The following GRIP2 variants were observed in gnomAD, a reference collection of about 807,000 sequenced individuals.
The protein encoded by GRIP2 is glutamate receptor-interacting protein 2.
Under a neutral mutation model 108.3 loss-of-function variants are expected in GRIP2, and 58 were observed. The observed-to-expected ratio is 0.54, with a 90% CI of 0.43 to 0.67. The LOEUF (loss-of-function observed/expected upper bound fraction) is 0.67, where lower values mean the gene tolerates loss of function less well. GRIP2 is among the 30% of genes least tolerant of loss of function. The probability of loss-of-function intolerance (pLI) is 0.00; values close to 1 mark genes in which losing one functional copy is unlikely to be tolerated. For synonymous variants in GRIP2, 586 were observed against 598.2 expected, an observed-to-expected ratio of 0.98 and a Z score of 0.30; for missense variants, 1,278 against 1,430.6, an observed-to-expected ratio of 0.89 and a Z score of 1.72.
chr3:14,522,077 A>C lies in GRIP2; in HGVS notation c.567-290T>G. 2.5e-6 allele frequency: 1 copy of C among 404,610 alleles called. No homozygotes were observed. Among genetic ancestry groups the C allele is most frequent in the Non-Finnish European group, 4.4e-6 (1 of 227,140 alleles). The allele number at this position is 404,610 out of a possible 1,614,324, so 25.1% of individuals were successfully genotyped here. ...TCACAGACTCAGTGCAGAACCCTGAAATGTCTGAGCTGGGGGTGCTCTTCA... is the reference window on the plus strand; with the variant it reads ...TCACAGACTCAGTGCAGAACCCTGACATGTCTGAGCTGGGGGTGCTCTTCA... On this transcript the variant is annotated intron_variant, in intron 6 of 23. Coordinates refer to ENST00000621039, the MANE Select transcript of GRIP2 (RefSeq NM_001080423.4). This position sits in a 1 kb window ranked among gnomAD's most constrained non-coding sequence, Gnocchi z 4.3.
intron 1 of GRIP2, among the ~76,000 whole-genome samples, chr3:14,532,527 C>A: frequency 6.6e-6 from 1 of 152,178 alleles, no homozygotes; most frequent in East Asian, 1.9e-4. Context: ...ATGCCAGGAG[C>A]ATCTGTGGCC....
At chr3:14,560,877 G>A (rs767489789), upstream of GRIP2, among the ~76,000 whole-genome samples, 2 of 152,194 alleles carry the variant, frequency 1.3e-5, no homozygotes, top group Admixed American at 6.5e-5. Context: ...CAGCAGGGGC[G>A]CAGCAAGGGC....
At chr3:14,529,045 C>T (rs927325562) in intron 1 of GRIP2, among the ~76,000 whole-genome samples, 37 of 150,098 alleles carry the variant, frequency 2.5e-4, no homozygotes, top group Admixed American at 1.1e-3. Flanking sequence ...CCAAAGGGGG[C>T]GGATCATGAG....
At position 14,514,395 on chromosome 3, in the gene GRIP2, G is replaced by A. The variant is rs1448850068; in HGVS notation, c.1390C>T (p.Leu464Phe). 1 of 1,574,572 alleles carries A rather than the reference G, an allele frequency of 6.4e-7. No individual in the cohort carries two copies. The highest frequency in any genetic ancestry group is 8.6e-7 in the Non-Finnish European group (1 of 1,161,288). Residue 464 changes from leucine (L) to phenylalanine (F), a missense_variant, in exon 12 of 24, where the codon CTC becomes TTC. Physicochemically the swap from Leu to Phe is conservative, Grantham distance 22 (BLOSUM62 0). Coordinates refer to ENST00000621039, the MANE Select transcript of GRIP2 (RefSeq NM_001080423.4). ...TTEVVLCGDP[L>F]SGFGLQLQGG... The stretch of plus-strand genomic sequence containing the variant: ...TGGAGCTGGAGGCCAAAGCCGCTGA[G>A]GGGGTCTCCACAGAGCACGACCTCC...
chr3:14,508,047 G>A (rs1298881290), intron 17 of GRIP2, among the ~76,000 whole-genome samples: 6 of 152,186 alleles, frequency 3.9e-5, no homozygotes, highest in Admixed American at 3.9e-4. Flanking sequence ...TTCTTCATCT[G>A]TAAAATGGGG....
chr3:14,542,153 ATTTTT>A, upstream of GRIP2: 1 of 991,018 alleles, frequency 1.0e-6, no homozygotes, highest in Non-Finnish European at 1.3e-6. Flanking sequence ...TTTATTTTTT[ATTTTT>A]TTTATTTTTT....
intron 10 of GRIP2, 57 bp from the exon 11 acceptor site, chr3:14,517,270 C>T: frequency 6.8e-7 from 1 of 1,475,384 alleles, no homozygotes; most frequent in Non-Finnish European, 9.0e-7. Context: ...CACCCCACCA[C>T]ACAGTGGGTG....
At chr3:14,525,970 C>G (rs1212121635) in intron 1 of GRIP2, 39 bp from the exon 2 acceptor site, 1 of 1,526,278 alleles carries the variant, frequency 6.6e-7, no homozygotes, top group Non-Finnish European at 8.9e-7. Flanking sequence ...GTTCCACTTT[C>G]GTTTCCATTC....
At chr3:14,586,463 G>A in the GRIP2 span, among the ~76,000 whole-genome samples, 12 of 152,210 alleles carry the variant, frequency 7.9e-5, no homozygotes, top group Non-Finnish European at 1.6e-4. Flanking sequence ...AGGCAGGAGA[G>A]GCAGCAAATG....
In GRIP2 at chr3:14,514,315, G is replaced by C. The variant is rs1157318275; in HGVS notation, c.1470C>G (p.Ile490Met). 1 of 1,571,594 alleles carries C rather than the reference G, an allele frequency of 6.4e-7. No individual in the cohort carries two copies. The highest frequency in any genetic ancestry group is 1.4e-5 in the African/African-American group (1 of 74,026). The change falls in exon 12 of 24, where the codon ATC (isoleucine) becomes ATG (methionine). Residue 490 changes from isoleucine to methionine, a missense_variant. Coordinates refer to ENST00000621039, the MANE Select transcript of GRIP2 (RefSeq NM_001080423.4). ...TLSSPPLVCF[I>M]EPDSPAERCG... ...ACCTCTCAGCCGGACTGTCAGGCTC[G>C]ATGAAGCACACGAGGGGTGGGGAGG...
At chr3:14,508,775 C>A (rs1437286730) in intron 17 of GRIP2, among the ~76,000 whole-genome samples, 7 of 152,104 alleles carry the variant, frequency 4.6e-5, no homozygotes, top group Admixed American at 2.0e-4. Flanking sequence ...AAGACATGTT[C>A]TTAATGGTTT....
At chr3:14,531,172 T>A (rs778887855) in intron 1 of GRIP2, 7 of 152,264 alleles carry the variant, frequency 4.6e-5, no homozygotes, top group Non-Finnish European at 1.0e-4. Context: ...AATCATATCA[T>A]CTGTGAAAAT....
chr3:14,497,712 G>C (rs764100824), intron 21 of GRIP2, among the ~76,000 whole-genome samples: 2 of 152,238 alleles, frequency 1.3e-5, no homozygotes, highest in Non-Finnish European at 2.9e-5. Context: ...TGGGCTGCAG[G>C]AGCGGGAGTG....
intron 21 of GRIP2, among the ~76,000 whole-genome samples, chr3:14,503,068 C>T (rs1199678019): frequency 6.6e-6 from 1 of 152,202 alleles, no homozygotes; most frequent in African/African-American, 2.4e-5. Context: ...CACAAAGCCA[C>T]ATTCACCTCT....
chr3:14,564,860 G>A, the GRIP2 span, among the ~76,000 whole-genome samples: 2 of 152,212 alleles, frequency 1.3e-5, no homozygotes, highest in Non-Finnish European at 2.9e-5. Context: ...GCCTGAAGCC[G>A]AGTGGGAATC....
upstream of GRIP2, among the ~76,000 whole-genome samples, chr3:14,558,379 G>A (rs1448957667): frequency 6.6e-6 from 1 of 152,166 alleles, no homozygotes; most frequent in African/African-American, 2.4e-5. Context: ...GTTGCCTGGG[G>A]TTTTGCAGAC....
At chr3:14,544,023 A>G (rs142438207), upstream of GRIP2, among the ~76,000 whole-genome samples, 8 of 152,368 alleles carry the variant, frequency 5.3e-5, no homozygotes, top group East Asian at 1.5e-3. Flanking sequence ...GTCTCAAACT[A>G]ACGCCGTCAA....
At chr3:14,566,383 T>C in the GRIP2 span, among the ~76,000 whole-genome samples, 3 of 152,232 alleles carry the variant, frequency 2.0e-5, no homozygotes, top group African/African-American at 7.2e-5. Context: ...ATTGAAACCC[T>C]GGAGCCACAG....
chr3:14,506,011 C>T (rs895481627), intron 19 of GRIP2, among the ~76,000 whole-genome samples: 1 of 152,196 alleles, frequency 6.6e-6, no homozygotes, highest in African/African-American at 2.4e-5. Context: ...TCAACTCCAT[C>T]GGCCTGGGCT....
Sources: allele counts gnomAD v4.1 joint callset (sites outside exome capture counted in the v4.1 genomes callset), GRCh38; gene constraint gnomAD v4.1.1; non-coding constraint Gnocchi (gnomAD v3.1); transcripts MANE v1.5; gene names NCBI Gene and HGNC (gene_info 2026-07-23, HGNC 2026-07-21).